Variants in ZDHHC11 observed in about 807,000 individuals in gnomAD.
The protein encoded by ZDHHC11 is zDHHC palmitoyltransferase 11, also known as palmitoyltransferase ZDHHC11.
In ZDHHC11, 44 loss-of-function variants were observed where a neutral mutation model predicts 51.3. The observed-to-expected ratio is 0.86, with a 90% CI of 0.67 to 1.10. The LOEUF (loss-of-function observed/expected upper bound fraction) is 1.10. Ranked by LOEUF, ZDHHC11 falls within the 50% of genes least tolerant of loss-of-function variation. ZDHHC11 has a pLI of 0.00. For synonymous variants in ZDHHC11, 163 were observed against 222.0 expected (o/e 0.73, Z 2.36); for missense variants, 400 against 537.7 (o/e 0.74, Z 2.53).
chr5:812,667 CTTTGACT>C (rs1194513073), intron 11 of ZDHHC11, among the ~76,000 whole-genome samples: 1 of 151,382 alleles, frequency 6.6e-6, no homozygotes, highest in East Asian at 1.9e-4. Flanking sequence ...TGCAAATGCC[CTTTGACT>C]TTTAAGTGTT....
intron 11 of ZDHHC11, among the ~76,000 whole-genome samples, chr5:807,113 G>A (rs549793433): frequency 1.1e-4 from 17 of 150,798 alleles, no homozygotes; most frequent in East Asian, 5.8e-4. Flanking sequence ...AGTGTGGTAC[G>A]GGGTGGAACA....
chr5:801,147 G>T lies in ZDHHC11; in HGVS notation c.1199C>A (p.Thr400Lys). ...ISTLGLQQET[T>K]EPMKTDSAES... ...AGCACTGTCAGTTTTCATGGGCTCT[G>T]TTGTTTCTTGTTGCAGCCTGTTTGC... The change falls in exon 12 of 13, where the codon ACA becomes AAA. Residue 400 changes from threonine (T) to lysine (K), a missense_variant. Around this residue, in one of 5 missense-constraint regions of ZDHHC11, gnomAD observed 231 missense variants for 227.4 expected, o/e 1.02. Transcript: ENST00000283441. 1 of 1,611,002 alleles carries T rather than the reference G, an allele frequency of 6.2e-7. No homozygotes were observed. Among genetic ancestry groups the T allele is most frequent in the Non-Finnish European group, 8.5e-7 (1 of 1,177,912 alleles).
chr5:806,923 T>C (rs1165395937), intron 11 of ZDHHC11, among the ~76,000 whole-genome samples: 1 of 151,024 alleles, frequency 6.6e-6, no homozygotes, highest in African/African-American at 2.4e-5. Flanking sequence ...GCAACACCTT[T>C]AAAAAACAGT....
At chr5:802,188 C>T (rs554297216) in intron 11 of ZDHHC11, among the ~76,000 whole-genome samples, 8 of 151,246 alleles carry the variant, frequency 5.3e-5, no homozygotes, top group African/African-American at 1.9e-4. Flanking sequence ...GTGACTGCTG[C>T]TGCAAGACTT....
At chr5:816,132 GATACAAGT>G (rs1740754271) in intron 10 of ZDHHC11, among the ~76,000 whole-genome samples, 1 of 151,552 alleles carries the variant, frequency 6.6e-6, no homozygotes, top group African/African-American at 2.4e-5. Context: ...AAATATTCTG[GATACAAGT>G]ATATGACTTG....
intron 4 of ZDHHC11, chr5:841,111 G>A: frequency 1.1e-6 from 1 of 932,026 alleles, no homozygotes; most frequent in Non-Finnish European, 1.2e-6. Context: ...TAAGTGCCAG[G>A]GTCACAGCAC....
intron 11 of ZDHHC11, among the ~76,000 whole-genome samples, chr5:801,859 C>T (rs543349273): frequency 3.2e-4 from 48 of 151,468 alleles, no homozygotes; most frequent in African/African-American, 9.9e-4. Context: ...ATCAAAACTG[C>T]GTATCCATCA....
At chr5:836,102 C>T (rs930235016) in intron 6 of ZDHHC11, among the ~76,000 whole-genome samples, 1 of 147,546 alleles carries the variant, frequency 6.8e-6, no homozygotes, top group Non-Finnish European at 1.5e-5. Context: ...GAGGAAAGGG[C>T]GTCATCACCT....
chr5:836,275 C>T lies in ZDHHC11; in HGVS notation c.900+1090G>A, dbSNP rs1326916050. 3.3e-5 allele frequency among the ~76,000 whole-genome samples: 5 copies of T among 150,460 alleles called. 1 individual carries two copies. The East Asian group carries it at 5.8e-4, about 17-fold the overall frequency. ...TTTTCTGCATTGATTGGCATGATTG[C>T]GTGGTTACCGTTCTCTATTGGACTA... On this transcript the variant is annotated intron_variant, in intron 6 of 12. Transcript: ENST00000283441.
chr5:833,564 G>A (rs1042754803), intron 7 of ZDHHC11, among the ~76,000 whole-genome samples: 1 of 151,498 alleles, frequency 6.6e-6, no homozygotes. Context: ...GAAGAATGTA[G>A]TTTCTGCAAG....
chr5:835,566 G>A (rs1743714357), intron 6 of ZDHHC11, among the ~76,000 whole-genome samples: 1 of 151,960 alleles, frequency 6.6e-6, no homozygotes, highest in South Asian at 2.1e-4. Context: ...CATTTGGCTA[G>A]TACAGTAGCC....
At chr5:800,277 T>C (rs1392412013) in intron 12 of ZDHHC11, among the ~76,000 whole-genome samples, 2 of 150,758 alleles carry the variant, frequency 1.3e-5, no homozygotes, top group African/African-American at 4.9e-5. Context: ...GGATACAGTA[T>C]GCCCTATACC....
At chr5:820,963 G>C (rs915399272) in intron 9 of ZDHHC11, among the ~76,000 whole-genome samples, 1 of 151,228 alleles carries the variant, frequency 6.6e-6, no homozygotes, top group Non-Finnish European at 1.5e-5. Context: ...ACCAGAAAAG[G>C]GGCCTTTCAA....
chr5:803,781 T>C lies in ZDHHC11; in HGVS notation c.1182-2617A>G, dbSNP rs1177686582. ...GTAGGAAAATTACATATGAGCAAAT[T>C]AGATTAGTAGTAGAGATAGAAATTA... On this transcript the variant is annotated intron_variant, in intron 11 of 12. Transcript: ENST00000283441. Among the ~76,000 whole-genome samples, 4 of 147,884 alleles carry C rather than the reference T, an allele frequency of 2.7e-5. No homozygotes were observed. The East Asian group carries it at 7.8e-4, about 29-fold the overall frequency.
chr5:805,923 G>A (rs1001896647), intron 11 of ZDHHC11, among the ~76,000 whole-genome samples: 1 of 151,154 alleles, frequency 6.6e-6, no homozygotes, highest in African/African-American at 2.4e-5. Flanking sequence ...TTAAGCACAA[G>A]GGTGGTAGCT....
At chr5:817,006 C>A (rs1291830420) in intron 10 of ZDHHC11, 2 of 224,432 alleles carry the variant, frequency 8.9e-6, no homozygotes, top group Non-Finnish European at 1.9e-5. Flanking sequence ...AAATAGCCCT[C>A]TTTCTGCTGG....
At chr5:843,079 C>CG (rs1745310337) in intron 4 of ZDHHC11, among the ~76,000 whole-genome samples, 1 of 152,298 alleles carries the variant, frequency 6.6e-6, no homozygotes, top group Non-Finnish European at 1.5e-5. Context: ...AGCCCACAGT[C>CG]CTCACCGCCA....
intron 8 of ZDHHC11, chr5:824,175 G>T: frequency 2.3e-6 from 1 of 434,434 alleles, no homozygotes; most frequent in South Asian, 1.6e-5. Flanking sequence ...GGACCAGCCT[G>T]CGGCCTGGCG....
chr5:850,370 G>A lies in ZDHHC11; in HGVS notation c.222+11C>T, dbSNP rs558978910. ...CCTCCCGCTTAGACCATGCCACGAT[G>A]AAAAGGATACCACGTAGGCAATGTA... On this transcript the variant is annotated intron_variant, in intron 1 of 12. Coordinates refer to ENST00000283441, the MANE Select transcript of ZDHHC11 (RefSeq NM_024786.3). 2 of 1,613,098 alleles carry A rather than the reference G, an allele frequency of 1.2e-6. No homozygotes were observed. The highest frequency in any genetic ancestry group is 1.7e-5 in the Admixed American group (1 of 59,948).
Sources: allele counts gnomAD v4.1 joint callset (sites outside exome capture counted in the v4.1 genomes callset), GRCh38; gene constraint gnomAD v4.1.1; regional missense constraint gnomAD v4.1.1; transcripts MANE v1.5; gene names NCBI Gene and HGNC (gene_info 2026-07-23, HGNC 2026-07-21).